Variants in CALCR observed in about 807,000 individuals in gnomAD.
CALCR encodes the protein calcitonin receptor.
A neutral mutation model predicts 59.5 loss-of-function variants in CALCR; 47 were observed. That is an observed-to-expected ratio of 0.79 (90% confidence interval 0.63 to 1.01). The LOEUF is 1.01. Ranked by LOEUF, CALCR falls within the 50% of genes least tolerant of loss-of-function variation. The probability of loss-of-function intolerance (pLI) is 0.00; values close to 1 mark genes in which losing one functional copy is unlikely to be tolerated. For missense variants in CALCR, 566 were observed against 597.1 expected (o/e 0.95, Z 0.54); for synonymous variants, 213 against 211.3 (o/e 1.01, Z -0.07).
chr7:93,482,075 C>T (rs1385424370), intron 3 of CALCR, among the ~76,000 whole-genome samples: 1 of 151,816 alleles, frequency 6.6e-6, no homozygotes, highest in East Asian at 2.0e-4. Flanking sequence ...AAAGAATCAT[C>T]AGTCATAAAA....
At chr7:93,428,987 C>G (rs1301424182) in intron 13 of CALCR, among the ~76,000 whole-genome samples, 1 of 152,132 alleles carries the variant, frequency 6.6e-6, no homozygotes, top group Non-Finnish European at 1.5e-5. Context: ...TAAAATAACT[C>G]CCATAGAGTA....
chr7:93,505,160 T>TG (rs888064984), intron 2 of CALCR, among the ~76,000 whole-genome samples: 33 of 150,844 alleles, frequency 2.2e-4, no homozygotes, highest in African/African-American at 7.8e-4. Context: ...TATAGCTAAG[T>TG]GGAAAAAAAA....
chr7:93,430,541 A>G (rs909204139), intron 13 of CALCR, among the ~76,000 whole-genome samples: 1 of 152,202 alleles, frequency 6.6e-6, no homozygotes, highest in African/African-American at 2.4e-5. Context: ...ATCATTTATG[A>G]TAAAGTTAAA....
chr7:93,522,331 G>T (rs1001518559), intron 2 of CALCR, among the ~76,000 whole-genome samples: 1 of 152,028 alleles, frequency 6.6e-6, no homozygotes, highest in Admixed American at 6.6e-5. Context: ...ATCATTCATT[G>T]AATTGAATAT....
chr7:93,519,466 TAGTC>T (rs1039437566), intron 2 of CALCR, among the ~76,000 whole-genome samples: 1 of 152,094 alleles, frequency 6.6e-6, no homozygotes, highest in African/African-American at 2.4e-5. Context: ...AGGTAAATGA[TAGTC>T]TGTCTTTATA....
At chr7:93,574,161 A>G (rs1023433372) in intron 2 of CALCR, 128 bp downstream of exon 2, 8 of 152,282 alleles carry the variant, frequency 5.3e-5, no homozygotes, top group African/African-American at 1.9e-4. Flanking sequence ...CTACATGAGA[A>G]CCACAAGCAC....
rs1251226628 is a variant in CALCR, at chr7:93,443,772, G to A, written c.649-15C>T. ...TTGCAGCTCACCTGTCAGAAAGAAA[G>A]GAAGATACTCAGAGAAAGACACAGG... On this transcript the variant is annotated splice_polypyrimidine_tract_variant and intron_variant, in intron 8 of 13. Coordinates refer to ENST00000426151, the MANE Select transcript of CALCR (RefSeq NM_001742.4). The A allele has an allele frequency of 6.2e-7, 1 of 1,610,412 alleles. No individual in the cohort carries two copies. The highest frequency in any genetic ancestry group is 1.3e-5 in the African/African-American group (1 of 74,868).
At chr7:93,488,111 C>T (rs78034021) in intron 2 of CALCR, among the ~76,000 whole-genome samples, 1 of 151,644 alleles carries the variant, frequency 6.6e-6, no homozygotes, top group African/African-American at 2.4e-5. Flanking sequence ...ATTCAACATT[C>T]TTAAAGAAAA....
chr7:93,439,263 T>C (rs1799848565), intron 9 of CALCR, among the ~76,000 whole-genome samples: 1 of 152,194 alleles, frequency 6.6e-6, no homozygotes, highest in South Asian at 2.1e-4. Context: ...AGGAAGCATA[T>C]TTTCAATAGG....
At chr7:93,429,926 G>GTTTTTTTTTTTTT (rs370223680) in intron 13 of CALCR, among the ~76,000 whole-genome samples, 35 of 101,448 alleles carry the variant, frequency 3.5e-4, no homozygotes, top group African/African-American at 1.2e-3. Flanking sequence ...TTTTTTTTTT[G>GTTTTTTTTTTTTT]TTTGTTTGTT....
At chr7:93,496,805 T>C (rs1801214320) in intron 2 of CALCR, among the ~76,000 whole-genome samples, 1 of 151,588 alleles carries the variant, frequency 6.6e-6, no homozygotes, top group South Asian at 2.1e-4. Context: ...TTCTAGACAA[T>C]TCTATTTAAT....
intron 5 of CALCR, among the ~76,000 whole-genome samples, chr7:93,472,835 T>C (rs1169352208): frequency 1.3e-5 from 2 of 151,828 alleles, no homozygotes; most frequent in African/African-American, 4.8e-5. Context: ...CTCTACCTCA[T>C]AATTTTTTAA....
chr7:93,513,529 G>A (rs898831457), intron 2 of CALCR, among the ~76,000 whole-genome samples: 11 of 151,970 alleles, frequency 7.2e-5, no homozygotes, highest in African/African-American at 2.2e-4. Flanking sequence ...AAAATGTAAT[G>A]TTTTCTAGAA....
At chr7:93,554,500 C>T (rs926068278) in intron 2 of CALCR, among the ~76,000 whole-genome samples, 1 of 151,910 alleles carries the variant, frequency 6.6e-6, no homozygotes, top group African/African-American at 2.4e-5. Context: ...TAATTCATTT[C>T]CAACAAGGGA....
At chr7:93,529,749 G>GAAAT (rs1788782171) in intron 2 of CALCR, among the ~76,000 whole-genome samples, 1 of 151,946 alleles carries the variant, frequency 6.6e-6, no homozygotes. Context: ...ACTCAATGAA[G>GAAAT]AAATAAATAA....
chr7:93,435,421 G>A (rs1011608612), intron 12 of CALCR, among the ~76,000 whole-genome samples: 1 of 152,144 alleles, frequency 6.6e-6, no homozygotes, highest in Non-Finnish European at 1.5e-5. Flanking sequence ...AGGAAAGCAG[G>A]CACAGAAAGA....
At chr7:93,542,467 G>A (rs1325722048) in intron 2 of CALCR, among the ~76,000 whole-genome samples, 1 of 152,188 alleles carries the variant, frequency 6.6e-6, no homozygotes, top group Non-Finnish European at 1.5e-5. Context: ...GAGTCAATGA[G>A]TGAGTGGTGA....
chr7:93,542,642 T>C (rs1789174253), intron 2 of CALCR, among the ~76,000 whole-genome samples: 1 of 152,192 alleles, frequency 6.6e-6, no homozygotes. Flanking sequence ...TTTTGAACTT[T>C]TTGGCTCTTT....
intron 2 of CALCR, among the ~76,000 whole-genome samples, chr7:93,518,979 G>A (rs567340558): frequency 1.5e-3 from 227 of 151,958 alleles, no homozygotes; most frequent in Non-Finnish European, 2.8e-3. Context: ...TAAATCTTTT[G>A]TATTATTTAA....
Sources: gnomAD v4.1 joint callset for allele counts (sites outside exome capture counted in the v4.1 genomes callset) on GRCh38, gnomAD v4.1.1 for gene constraint, MANE v1.5 for transcripts, NCBI Gene and HGNC (gene_info 2026-07-23, HGNC 2026-07-21) for gene names.